Variants in MTERF4 observed in about 807,000 individuals in gnomAD.
MTERF4 encodes transcription termination factor 4, mitochondrial.
A neutral mutation model predicts 22.5 loss-of-function variants in MTERF4; 17 were observed. That is an observed-to-expected ratio of 0.75 (90% CI 0.52 to 1.13). MTERF4 has a LOEUF of 1.13. Among genes scored for constraint, MTERF4 ranks in the 50% most tolerant of loss-of-function variants. The pLI, the probability that MTERF4 is intolerant of heterozygous loss-of-function variation, is 0.00. For missense variants in MTERF4, 420 were observed against 466.8 expected (o/e 0.90, Z 0.92); for synonymous variants, 165 against 175.3 (o/e 0.94, Z 0.47).
the MTERF4 span, chr2:241,064,099 GCTT>G: frequency 6.4e-7 from 1 of 1,566,070 alleles, no homozygotes; most frequent in East Asian, 2.4e-5. This position sits in a 1 kb window ranked among gnomAD's most constrained non-coding sequence, Gnocchi z 7.0. Flanking sequence ...TGCCCAGAGA[GCTT>G]CTTCGGCTAC....
At chr2:241,089,332 C>T (rs1481127861), downstream of MTERF4, 3 of 1,550,444 alleles carry the variant, frequency 1.9e-6, no homozygotes, top group Non-Finnish European at 2.6e-6. Context: ...GGGTAACAAG[C>T]CACTTCAAAA....
chr2:241,069,811 T>C, downstream of MTERF4: 1 of 1,277,732 alleles, frequency 7.8e-7, no homozygotes, highest in Non-Finnish European at 1.1e-6. The surrounding 1 kb of genome is among the most constrained non-coding windows in gnomAD (Gnocchi z 4.9). Flanking sequence ...TAATAAAGAA[T>C]CTGGCTTCCA....
At chr2:241,068,975 G>A (rs769168327), downstream of MTERF4, 23 of 1,556,938 alleles carry the variant, frequency 1.5e-5, no homozygotes, top group Admixed American at 7.7e-5. The surrounding 1 kb of genome is among the most constrained non-coding windows in gnomAD (Gnocchi z 5.3). Flanking sequence ...CAGGGGAGAG[G>A]AGCACCCCAC....
At position 241,099,822 on chromosome 2, in the gene MTERF4, GT is replaced by G; in HGVS notation, c.93del (p.Glu31AspfsTer13). ...CMARQTPHLGEQRRTTASLLR... is the reference protein window; with the variant it reads ...CMARQTPHLGXQRRTTASLLR... ...AACAAAGAAGCTGTCGTCCTTCTCT[GT>G]TCTCCAAGATGAGGAGTCTGCCTAG... On this transcript the variant is annotated frameshift_variant, in exon 2 of 4. Coordinates refer to ENST00000391980, the MANE Select transcript of MTERF4 (RefSeq NM_182501.4). LOFTEE classifies it high-confidence loss of function. The G allele has an allele frequency of 6.2e-7, 1 of 1,614,076 alleles. No homozygotes were observed. Among genetic ancestry groups the G allele is most frequent in the Non-Finnish European group, 8.5e-7 (1 of 1,180,042 alleles).
At chr2:241,069,991 C>T, downstream of MTERF4, 1 of 1,612,988 alleles carries the variant, frequency 6.2e-7, no homozygotes, top group South Asian at 1.1e-5. The surrounding 1 kb of genome is among the most constrained non-coding windows in gnomAD (Gnocchi z 4.9). Context: ...CTGGGATGCC[C>T]CGACTCCAGG....
At chr2:241,067,285 G>A (rs1408138637), downstream of MTERF4, among the ~76,000 whole-genome samples, 1 of 152,232 alleles carries the variant, frequency 6.6e-6, no homozygotes, top group African/African-American at 2.4e-5. Flanking sequence ...TGGCTGGGCG[G>A]GAAGCGGAGC....
At chr2:241,048,867 C>T in the MTERF4 span, 1 of 1,212,206 alleles carries the variant, frequency 8.2e-7, no homozygotes, top group Non-Finnish European at 1.2e-6. Flanking sequence ...AGACTGTCGA[C>T]CATTGGTTCT....
Position 241,096,352 on chromosome 2 carries a change from T to A in MTERF4, c.792A>T (p.Arg264Ser), listed in dbSNP as rs751077030. 2 of 1,614,184 alleles carry A rather than the reference T, an allele frequency of 1.2e-6. No homozygotes were observed. Among genetic ancestry groups the A allele is most frequent in the Non-Finnish European group, 1.7e-6 (2 of 1,180,036 alleles). The part of the protein sequence containing the change: ...LQYSLTKIKQ[R>S]HIYLERLGRY... Reference sequence around the variant, plus strand: ...GTCCCAGGCGCTCCAGGTAAATGTGTCTCTGCTTAATCTTGGTTAGTGAAT... The same window carrying A: ...GTCCCAGGCGCTCCAGGTAAATGTGACTCTGCTTAATCTTGGTTAGTGAAT... Residue 264 changes from arginine (R) to serine (S), a missense_variant, in exon 4 of 4, where the codon AGA becomes AGT. Arg to Ser is a moderately radical substitution (Grantham distance 110). Transcript: ENST00000391980. The surrounding 1 kb of genome is among the most constrained non-coding windows in gnomAD (Gnocchi z 5.1).
chr2:241,081,732 G>T, intron 4 of MTERF4: 1 of 1,609,404 alleles, frequency 6.2e-7, no homozygotes, highest in Admixed American at 1.7e-5. Flanking sequence ...CTTGTGTGCC[G>T]GGCGCAGACG....
chr2:241,051,264 C>T, the MTERF4 span: 1 of 154,818 alleles, frequency 6.5e-6, no homozygotes, highest in Admixed American at 6.5e-5. The surrounding 1 kb of genome is among the most constrained non-coding windows in gnomAD (Gnocchi z 4.7). Flanking sequence ...CGTCTGAGCT[C>T]CTCGGGTTCC....
rs2064391523 is a variant in MTERF4, at chr2:241,096,045, C to T, written c.1099G>A (p.Glu367Lys). ...TCATCCTCATCATTGTCCTCCGCCT[C>T]GTCGTCGTCCTCATCATCGTCATCC... is the stretch of plus-strand genomic sequence containing the variant. ...DEDDDDEDDD[E>K]AEDNDEDEDD... Residue 367 changes from glutamate to lysine, a missense_variant, in exon 4 of 4, where the codon GAG becomes AAG. By Grantham distance (56) the Glu-to-Lys change is moderately conservative. Transcript: ENST00000391980. This position sits in a 1 kb window ranked among gnomAD's most constrained non-coding sequence, Gnocchi z 5.1. 7 of 1,597,504 alleles carry T rather than the reference C, an allele frequency of 4.4e-6. No homozygotes were observed. The highest frequency in any genetic ancestry group is 2.2e-5 in the South Asian group (2 of 90,990).
chr2:241,099,833 T>C lies in MTERF4; in HGVS notation c.83A>G (p.His28Arg), dbSNP rs760585369. 1 of 1,613,984 alleles carries C rather than the reference T, an allele frequency of 6.2e-7. No individual in the cohort carries two copies. The highest frequency in any genetic ancestry group is 1.1e-5 in the South Asian group (1 of 91,078). The change falls in exon 2 of 4, where the codon CAT becomes CGT. Residue 28 changes from histidine (H) to arginine (R), a missense_variant. Physicochemically the swap from His to Arg is conservative, Grantham distance 29. Transcript: ENST00000391980. ...TWACMARQTP[H>R]LGEQRRTTAS... The stretch of plus-strand genomic sequence containing the variant: ...TGTCGTCCTTCTCTGTTCTCCAAGA[T>C]GAGGAGTCTGCCTAGCCATACAGGC...
chr2:241,070,623 G>C (rs1401197069), downstream of MTERF4, among the ~76,000 whole-genome samples: 1 of 152,216 alleles, frequency 6.6e-6, no homozygotes, highest in East Asian at 1.9e-4. Context: ...GGGCCTGCAA[G>C]GCAGGCAGGA....
At chr2:241,084,281 C>T (rs952512115), downstream of MTERF4, among the ~76,000 whole-genome samples, 5 of 151,934 alleles carry the variant, frequency 3.3e-5, no homozygotes, top group Non-Finnish European at 5.9e-5. Context: ...GGATTACAGG[C>T]GCCTGCCACC....
At chr2:241,091,351 A>T (rs1393441870), downstream of MTERF4, among the ~76,000 whole-genome samples, 1 of 152,176 alleles carries the variant, frequency 6.6e-6, no homozygotes, top group African/African-American at 2.4e-5. The surrounding 1 kb of genome is among the most constrained non-coding windows in gnomAD (Gnocchi z 4.1). Flanking sequence ...TTTCACATTT[A>T]AAAGTTGCAA....
At chr2:241,051,587 T>TGCG in the MTERF4 span, 1 of 560,012 alleles carries the variant, frequency 1.8e-6, no homozygotes, top group African/African-American at 1.9e-5. This position sits in a 1 kb window ranked among gnomAD's most constrained non-coding sequence, Gnocchi z 4.7. Context: ...CCACCATGTG[T>TGCG]GCGGACCTGC....
chr2:241,073,389 C>T lies in MTERF4; in HGVS notation n.2773G>A. 1 of 1,535,356 alleles carries T rather than the reference C, an allele frequency of 6.5e-7. No individual in the cohort carries two copies. The highest frequency in any genetic ancestry group is 8.8e-7 in the Non-Finnish European group (1 of 1,131,670). On this transcript the variant is annotated non_coding_transcript_exon_variant, in exon 5 of 5. Transcript: ENST00000464344. This position sits in a 1 kb window ranked among gnomAD's most constrained non-coding sequence, Gnocchi z 6.6. The stretch of plus-strand genomic sequence containing the variant: ...AGTGAGTCAGCAGCGCTGGTGGGGA[C>T]TTTGGGACTGACTGACTGCTCTCAG...
At chr2:241,058,294 C>G in the MTERF4 span, among the ~76,000 whole-genome samples, 39 of 151,542 alleles carry the variant, frequency 2.6e-4, no homozygotes, top group South Asian at 8.4e-4. Flanking sequence ...ATATATAAAG[C>G]AAAAATTAAG....
chr2:241,057,586 A>G, the MTERF4 span, among the ~76,000 whole-genome samples: 1 of 151,786 alleles, frequency 6.6e-6, no homozygotes, highest in Non-Finnish European at 1.5e-5. Flanking sequence ...CAAGAGGCTG[A>G]GGTGAGAGGA....
Sources: allele counts gnomAD v4.1 joint callset (sites outside exome capture counted in the v4.1 genomes callset), GRCh38; gene constraint gnomAD v4.1.1; non-coding constraint Gnocchi (gnomAD v3.1); transcripts MANE v1.5; gene names NCBI Gene and HGNC (gene_info 2026-07-23, HGNC 2026-07-21).